GPC5: variants seen among roughly 807,000 people sequenced by gnomAD.
GPC5 encodes the protein glypican 5.
GPC5 carries 47 observed loss-of-function variants against 53.9 expected under a neutral mutation model. The observed-to-expected ratio is 0.87, with a 90% CI of 0.69 to 1.11. The LOEUF is 1.11. Ranked by LOEUF, GPC5 falls within the 50% of genes most tolerant of loss-of-function variation. GPC5 has a pLI of 0.00. For synonymous variants in GPC5, 286 were observed against 263.3 expected, an observed-to-expected ratio of 1.09 and a Z score of -0.84; for missense variants, 748 against 713.1, an observed-to-expected ratio of 1.05 and a Z score of -0.56.
At chr13:92,674,682 ATTATT>A (rs1886873362) in intron 7 of GPC5, among the ~76,000 whole-genome samples, 1 of 152,082 alleles carries the variant, frequency 6.6e-6, no homozygotes, top group African/African-American at 2.4e-5. Context: ...TCATGTCCTG[ATTATT>A]TTATCTTCTT....
At chr13:91,932,514 A>G (rs1381953479) in intron 6 of GPC5, among the ~76,000 whole-genome samples, 2 of 152,046 alleles carry the variant, frequency 1.3e-5, no homozygotes, top group African/African-American at 4.8e-5. Flanking sequence ...AGCTCAACAC[A>G]TACAAAATTA....
At chr13:92,659,633 G>A (rs1377427380) in intron 7 of GPC5, among the ~76,000 whole-genome samples, 2 of 152,114 alleles carry the variant, frequency 1.3e-5, no homozygotes, top group African/African-American at 4.8e-5. Flanking sequence ...TAAGACATTG[G>A]AGGGTCAATG....
At chr13:91,992,415 A>T (rs184711104) in intron 6 of GPC5, among the ~76,000 whole-genome samples, 30 of 152,144 alleles carry the variant, frequency 2.0e-4, no homozygotes, top group African/African-American at 6.3e-4. Context: ...ATTATGAAAA[A>T]AATTTAGAAA....
At chr13:91,668,485 G>T (rs2035169774) in intron 2 of GPC5, among the ~76,000 whole-genome samples, 1 of 152,094 alleles carries the variant, frequency 6.6e-6, no homozygotes, top group South Asian at 2.1e-4. Flanking sequence ...ACAGTTGCTG[G>T]AATATTTGAC....
At chr13:92,252,533 C>T (rs1393994933) in intron 7 of GPC5, among the ~76,000 whole-genome samples, 1 of 151,866 alleles carries the variant, frequency 6.6e-6, no homozygotes, top group Non-Finnish European at 1.5e-5. Flanking sequence ...TGACTTCATT[C>T]TTGGGGTAAG....
At chr13:91,485,285 T>C (rs1883540667) in intron 2 of GPC5, among the ~76,000 whole-genome samples, 1 of 151,344 alleles carries the variant, frequency 6.6e-6, no homozygotes, top group African/African-American at 2.4e-5. Flanking sequence ...CGATCTCAGC[T>C]CACTGCAACC....
intron 2 of GPC5, among the ~76,000 whole-genome samples, chr13:91,469,952 A>G (rs1170511378): frequency 6.6e-6 from 1 of 152,148 alleles, no homozygotes; most frequent in African/African-American, 2.4e-5. Flanking sequence ...AGGCACGAGA[A>G]TCACTTGAAA....
intron 7 of GPC5, among the ~76,000 whole-genome samples, chr13:92,237,089 C>T (rs1450764397): frequency 1.3e-5 from 2 of 152,154 alleles, no homozygotes; most frequent in Non-Finnish European, 2.9e-5. Flanking sequence ...AGGGAACTGA[C>T]ATCATGTTCT....
At chr13:92,197,928 A>G (rs937541684) in intron 7 of GPC5, among the ~76,000 whole-genome samples, 1 of 152,076 alleles carries the variant, frequency 6.6e-6, no homozygotes, top group African/African-American at 2.4e-5. Flanking sequence ...ACAGTAGTAC[A>G]TTGCAGCCAT....
intron 5 of GPC5, among the ~76,000 whole-genome samples, chr13:91,823,574 G>A (rs1316964387): frequency 1.3e-5 from 2 of 152,046 alleles, no homozygotes; most frequent in Non-Finnish European, 2.9e-5. Context: ...TTTCTTCTCA[G>A]TCTTGATCCA....
At chr13:92,656,225 TG>T (rs1256726645) in intron 7 of GPC5, among the ~76,000 whole-genome samples, 1 of 152,156 alleles carries the variant, frequency 6.6e-6, no homozygotes, top group Non-Finnish European at 1.5e-5. Flanking sequence ...CTGGAATGAC[TG>T]GGAGATCAGC....
At chr13:92,338,779 A>G (rs74107216) in intron 7 of GPC5, among the ~76,000 whole-genome samples, 4,341 of 152,142 alleles carry the variant, frequency 0.029, 216 homozygotes, top group African/African-American at 0.1. Flanking sequence ...TTTATAGGGA[A>G]CTGAAATCAT....
intron 7 of GPC5, among the ~76,000 whole-genome samples, chr13:92,588,750 T>C (rs916056466): frequency 2.6e-4 from 39 of 152,224 alleles, no homozygotes; most frequent in Non-Finnish European, 5.3e-4. Context: ...TACAATAGCA[T>C]GTTTTTTATA....
In GPC5 at chr13:92,005,088, C is replaced by T. The variant is rs147119710; in HGVS notation, c.1401+97031C>T. The stretch of plus-strand genomic sequence containing the variant: ...TCCATAGACACACCCAGGAACAATA[C>T]TTTGCATCCTTCAATCCAATCAACT... On this transcript the variant is annotated intron_variant, in intron 6 of 7. Coordinates refer to ENST00000377067, the MANE Select transcript of GPC5 (RefSeq NM_004466.6). Among the ~76,000 whole-genome samples the T allele has an allele frequency of 1.5e-3, 227 of 152,286 alleles. 4 individuals are homozygous for T. The East Asian group carries it at 0.034, about 23-fold the overall frequency.
chr13:92,110,100 G>A (rs1239693343), intron 6 of GPC5, among the ~76,000 whole-genome samples: 2 of 152,156 alleles, frequency 1.3e-5, no homozygotes, highest in Non-Finnish European at 2.9e-5. Flanking sequence ...CTAGTTATAT[G>A]AATGGGAAAA....
At chr13:91,820,174 A>T (rs889099951) in intron 5 of GPC5, among the ~76,000 whole-genome samples, 2 of 152,004 alleles carry the variant, frequency 1.3e-5, no homozygotes, top group African/African-American at 4.8e-5. Flanking sequence ...ATTCTCTTAC[A>T]TTATGGTTTG....
At chr13:91,682,143 G>T (rs1224320060) in intron 2 of GPC5, among the ~76,000 whole-genome samples, 1 of 152,118 alleles carries the variant, frequency 6.6e-6, no homozygotes, top group Non-Finnish European at 1.5e-5. Flanking sequence ...TCTCAGTGCT[G>T]CAACTTGATC....
At chr13:92,397,277 G>A (rs1438198773) in intron 7 of GPC5, among the ~76,000 whole-genome samples, 1 of 152,106 alleles carries the variant, frequency 6.6e-6, no homozygotes, top group African/African-American at 2.4e-5. Flanking sequence ...GGGCTGGGGG[G>A]GGTTCCCCCA....
chr13:91,692,473 T>C (rs1425996493), intron 2 of GPC5, among the ~76,000 whole-genome samples: 1 of 152,194 alleles, frequency 6.6e-6, no homozygotes, highest in African/African-American at 2.4e-5. Context: ...TTAAAAATTA[T>C]AAAAATATAG....
Sources: allele counts gnomAD v4.1 joint callset (sites outside exome capture counted in the v4.1 genomes callset), GRCh38; gene constraint gnomAD v4.1.1; transcripts MANE v1.5; gene names NCBI Gene and HGNC (gene_info 2026-07-23, HGNC 2026-07-21).